The following PTPRN2 variants were observed in gnomAD, a reference collection of about 807,000 sequenced individuals.
PTPRN2 encodes receptor-type tyrosine-protein phosphatase N2.
A neutral mutation model predicts 118.8 loss-of-function variants in PTPRN2; 74 were observed. The ratio of observed to expected loss-of-function variants is 0.62; its 90% CI spans 0.52 to 0.76. PTPRN2 has a LOEUF of 0.76. PTPRN2 is among the 30% of genes least tolerant of loss of function. The pLI is 0.00. For synonymous variants in PTPRN2, 641 were observed against 608.0 expected (o/e 1.05, Z -0.80); for missense variants, 1,481 against 1,394.4 (o/e 1.06, Z -0.99).
chr7:157,726,715 C>G (rs1283760485), intron 12 of PTPRN2, among the ~76,000 whole-genome samples: 3 of 152,332 alleles, frequency 2.0e-5, no homozygotes, highest in East Asian at 3.9e-4. Context: ...AGCGAAAAGA[C>G]AACCCATATA....
At chr7:157,822,870 A>T (rs1017865225) in intron 12 of PTPRN2, among the ~76,000 whole-genome samples, 2 of 151,538 alleles carry the variant, frequency 1.3e-5, no homozygotes, top group African/African-American at 4.9e-5. Flanking sequence ...GCAGGCATCC[A>T]TCCTTCCTCT....
At chr7:157,564,480 C>T (rs1329309164) in intron 21 of PTPRN2, among the ~76,000 whole-genome samples, 1 of 152,168 alleles carries the variant, frequency 6.6e-6, no homozygotes, top group African/African-American at 2.4e-5. Flanking sequence ...AAGACACTAT[C>T]AAAAGAGTAA....
At chr7:158,021,321 AAGC>A (rs1806855572) in intron 11 of PTPRN2, among the ~76,000 whole-genome samples, 1 of 152,222 alleles carries the variant, frequency 6.6e-6, no homozygotes, top group Non-Finnish European at 1.5e-5. Flanking sequence ...CCTTGAGTGA[AAGC>A]AGCAGGTAAG....
intron 14 of PTPRN2, among the ~76,000 whole-genome samples, chr7:157,630,519 C>G (rs529028247): frequency 3.3e-5 from 5 of 152,182 alleles, no homozygotes; most frequent in African/African-American, 1.2e-4. Context: ...GTGCCCGTCA[C>G]GGCAGCACCT....
Position 157,619,332 on chromosome 7 carries a change from A to G in PTPRN2, c.2344+2030T>C, listed in dbSNP as rs10249676. ...TATAATGCACGCTTACTGCATGGCT[A>G]TTTACCACGAACCATTCTCCACTCA... On this transcript the variant is annotated intron_variant, in intron 15 of 22. Coordinates refer to ENST00000389418, the MANE Select transcript of PTPRN2 (RefSeq NM_002847.5). The surrounding 1 kb of genome is among the most constrained non-coding windows in gnomAD (Gnocchi z 5.3). Among the ~76,000 whole-genome samples the G allele has an allele frequency of 0.079, 11,988 of 152,000 alleles. 687 individuals are homozygous for G. The highest frequency in any genetic ancestry group is 0.16 in the African/African-American group (6,513 of 41,428).
At chr7:157,872,419 T>C (rs866277141) in intron 12 of PTPRN2, among the ~76,000 whole-genome samples, 1,224 of 23,838 alleles carry the variant, frequency 0.051, 37 homozygotes, top group African/African-American at 0.17. Flanking sequence ...ACCCAGTGTC[T>C]TTCCCACACA....
chr7:157,963,856 A>G (rs556742924), intron 11 of PTPRN2, among the ~76,000 whole-genome samples: 11 of 152,160 alleles, frequency 7.2e-5, no homozygotes, highest in Non-Finnish European at 1.6e-4. Flanking sequence ...AATTTCTATC[A>G]TTAAATCCTT....
At chr7:158,508,683 C>G in intron 1 of PTPRN2, among the ~76,000 whole-genome samples, 1 of 83,710 alleles carries the variant, frequency 1.2e-5, no homozygotes, top group African/African-American at 5.4e-5. Flanking sequence ...ACGCTCGGAG[C>G]AGGTGCGGAA....
intron 14 of PTPRN2, among the ~76,000 whole-genome samples, chr7:157,653,440 G>A (rs1006857304): frequency 9.2e-5 from 14 of 152,128 alleles, no homozygotes; most frequent in Non-Finnish European, 1.8e-4. Context: ...TCGGAAGGTC[G>A]GCGACTCTGA....
At chr7:157,644,823 C>A (rs1463389902) in intron 14 of PTPRN2, among the ~76,000 whole-genome samples, 2 of 150,308 alleles carry the variant, frequency 1.3e-5, no homozygotes, top group African/African-American at 2.4e-5. Context: ...AAACAAAAAA[C>A]AAAAGAAAAC....
chr7:158,086,213 C>G (rs778636062), intron 10 of PTPRN2, among the ~76,000 whole-genome samples: 37 of 152,096 alleles, frequency 2.4e-4, no homozygotes, highest in Non-Finnish European at 4.4e-4. Flanking sequence ...CTGCAGAATC[C>G]TCTGCTGAGG....
At chr7:158,557,123 C>T (rs577340651) in intron 1 of PTPRN2, among the ~76,000 whole-genome samples, 105 of 124,348 alleles carry the variant, frequency 8.4e-4, no homozygotes, top group African/African-American at 2.8e-3. Context: ...GTCGCTCCCG[C>T]GCAGGGCAGG....
intron 2 of PTPRN2, among the ~76,000 whole-genome samples, chr7:158,361,761 G>A (rs1586459603): frequency 6.6e-6 from 1 of 152,172 alleles, no homozygotes; most frequent in African/African-American, 2.4e-5. Context: ...AGGGCCCCAG[G>A]AAGGTCAGTG....
intron 3 of PTPRN2, among the ~76,000 whole-genome samples, chr7:158,291,576 G>C (rs1800122364): frequency 6.6e-6 from 1 of 152,150 alleles, no homozygotes; most frequent in Non-Finnish European, 1.5e-5. Flanking sequence ...GTAAAATAGA[G>C]TTCTGTGGCA....
intron 15 of PTPRN2, among the ~76,000 whole-genome samples, chr7:157,620,414 G>A (rs1803088428): frequency 6.6e-6 from 1 of 152,222 alleles, no homozygotes; most frequent in South Asian, 2.1e-4. Flanking sequence ...TTCTGGCAGT[G>A]ATCCCTAGCT....
At chr7:157,691,530 C>T (rs904267384) in intron 12 of PTPRN2, among the ~76,000 whole-genome samples, 3 of 152,188 alleles carry the variant, frequency 2.0e-5, no homozygotes, top group Admixed American at 1.3e-4. Context: ...GTTTAGGTCC[C>T]GATGCGCGTA....
chr7:157,772,186 CAGACACACATACATACACAG>C (rs1313232125), intron 12 of PTPRN2, among the ~76,000 whole-genome samples: 1 of 151,550 alleles, frequency 6.6e-6, no homozygotes, highest in Non-Finnish European at 1.5e-5. Context: ...TACACAGACA[CAGACACACATACATACACAG>C]AGACACACAT....
At chr7:157,645,612 G>A (rs1805014639) in intron 14 of PTPRN2, among the ~76,000 whole-genome samples, 1 of 152,244 alleles carries the variant, frequency 6.6e-6, no homozygotes, top group African/African-American at 2.4e-5. Context: ...TCCAATAACA[G>A]GAGAACATAT....
At chr7:158,331,691 C>T (rs1250531653) in intron 2 of PTPRN2, among the ~76,000 whole-genome samples, 1 of 150,130 alleles carries the variant, frequency 6.7e-6, no homozygotes. Context: ...AGAGGTGACA[C>T]TTGCAGACGT....
Sources: allele counts gnomAD v4.1 joint callset (sites outside exome capture counted in the v4.1 genomes callset), GRCh38; gene constraint gnomAD v4.1.1; non-coding constraint Gnocchi (gnomAD v3.1); transcripts MANE v1.5; gene names NCBI Gene and HGNC (gene_info 2026-07-23, HGNC 2026-07-21).